PARD3B: variants seen among roughly 807,000 people sequenced by gnomAD.
PARD3B encodes par-3 family cell polarity regulator beta, also known as partitioning defective 3 homolog B.
Under a neutral mutation model 130.2 loss-of-function variants are expected in PARD3B, and 103 were observed. The ratio of observed to expected loss-of-function variants is 0.79; its 90% confidence interval spans 0.67 to 0.93. The LOEUF (loss-of-function observed/expected upper bound fraction) is 0.93, where lower values mean the gene tolerates loss of function less well. PARD3B is among the 40% of genes least tolerant of loss of function. The pLI is 0.00. For missense variants in PARD3B, 1,609 were observed against 1,499.2 expected (o/e 1.07, Z -1.21); for synonymous variants, 583 against 553.2 (o/e 1.05, Z -0.76).
Position 205,220,610 on chromosome 2 carries a change from T to A in PARD3B, c.2141-25168T>A, listed in dbSNP as rs111568013. ...GCTCATGTCCACGTGAAGCTTATGTTTTCTTGGGGAAGATGCCAGGCAGTA... is the reference window on the plus strand; with the variant it reads ...GCTCATGTCCACGTGAAGCTTATGTATTCTTGGGGAAGATGCCAGGCAGTA... On this transcript the variant is annotated intron_variant, in intron 15 of 22. Coordinates refer to ENST00000406610, the MANE Select transcript of PARD3B (RefSeq NM_001302769.2). Among the ~76,000 whole-genome samples the A allele has an allele frequency of 7.8e-3, 1,192 of 152,290 alleles. 17 individuals carry two copies. Among genetic ancestry groups the A allele is most frequent in the Middle Eastern group, 0.014 (4 of 294 alleles).
intron 2 of PARD3B, among the ~76,000 whole-genome samples, chr2:204,866,732 T>C (rs2045434483): frequency 6.6e-6 from 1 of 152,076 alleles, no homozygotes; most frequent in Non-Finnish European, 1.5e-5. Flanking sequence ...TGTGTATATA[T>C]ATATTTAAAT....
At chr2:204,981,365 G>A (rs528289853) in intron 3 of PARD3B, among the ~76,000 whole-genome samples, 2 of 152,220 alleles carry the variant, frequency 1.3e-5, no homozygotes, top group East Asian at 3.9e-4. Context: ...TGCATACAAT[G>A]GAATACTTTA....
In PARD3B at chr2:205,047,774, C is replaced by T. The variant is rs930675904; in HGVS notation, c.504+84C>T. Reference sequence around the variant, plus strand: ...AAGTGGGACTTTGCAGTTTTAAACACATTGATAACTAGATAGAGATCTTTT... The same window carrying T: ...AAGTGGGACTTTGCAGTTTTAAACATATTGATAACTAGATAGAGATCTTTT... On this transcript the variant is annotated intron_variant, in intron 4 of 22. Coordinates refer to ENST00000406610, the MANE Select transcript of PARD3B (RefSeq NM_001302769.2). The T allele has an allele frequency of 4.5e-5, 39 of 875,408 alleles. No individual in the cohort carries two copies. In the African/African-American group the frequency reaches 5.9e-4, roughly 13 times the overall value. The allele number at this position is 875,408 out of a possible 1,614,324, so 54.2% of individuals were successfully genotyped here.
chr2:204,619,487 G>A (rs554714553), intron 1 of PARD3B, among the ~76,000 whole-genome samples: 7 of 152,226 alleles, frequency 4.6e-5, no homozygotes, highest in East Asian at 3.9e-4. Context: ...TCACAGCAGC[G>A]TGAGTGACAT....
At chr2:204,563,214 GCTGT>G (rs1224046781) in intron 1 of PARD3B, among the ~76,000 whole-genome samples, 2 of 55,056 alleles carry the variant, frequency 3.6e-5, no homozygotes, top group East Asian at 1.0e-3. Context: ...CCGTCTTCCC[GCTGT>G]CTCTCTCTCT....
Position 205,480,438 on chromosome 2 carries a change from C to T in PARD3B, c.3045-19458C>T, listed in dbSNP as rs570384330. Among the ~76,000 whole-genome samples, 5 of 152,276 alleles carry T rather than the reference C, an allele frequency of 3.3e-5. No individual in the cohort carries two copies. In the South Asian group the frequency reaches 6.2e-4, roughly 19 times the overall value. ...TTTAAGTGACTGGTGGCACTGACCA[C>T]GGCTTGATATTTCTCTTCATTGGTT... On this transcript the variant is annotated intron_variant, in intron 20 of 22. Coordinates refer to ENST00000406610, the MANE Select transcript of PARD3B (RefSeq NM_001302769.2).
intron 19 of PARD3B, among the ~76,000 whole-genome samples, chr2:205,426,150 G>A (rs2047138320): frequency 6.6e-6 from 1 of 152,006 alleles, no homozygotes; most frequent in Non-Finnish European, 1.5e-5. Flanking sequence ...ATGAGGCAAT[G>A]GTGAAAAATA....
intron 3 of PARD3B, among the ~76,000 whole-genome samples, chr2:205,004,847 T>C (rs1320664152): frequency 2.6e-5 from 4 of 152,192 alleles, no homozygotes; most frequent in Non-Finnish European, 5.9e-5. Context: ...AAGATTCTTG[T>C]CACGTTTGTT....
At chr2:204,581,831 GA>G (rs1350255629) in intron 1 of PARD3B, among the ~76,000 whole-genome samples, 3 of 152,198 alleles carry the variant, frequency 2.0e-5, no homozygotes, top group Non-Finnish European at 2.9e-5. Flanking sequence ...CAAAGTTCTT[GA>G]CCAGAGAACT....
At chr2:204,651,214 C>T (rs1219384310) in intron 1 of PARD3B, among the ~76,000 whole-genome samples, 1 of 152,196 alleles carries the variant, frequency 6.6e-6, no homozygotes, top group African/African-American at 2.4e-5. Flanking sequence ...AGTCCAAAGT[C>T]TCATCAGAGA....
chr2:204,791,267 G>A (rs2042194123), intron 2 of PARD3B, among the ~76,000 whole-genome samples: 2 of 152,100 alleles, frequency 1.3e-5, no homozygotes, highest in South Asian at 4.1e-4. Context: ...GAAAATCATA[G>A]CAATTACTTT....
At chr2:204,804,667 A>G (rs2125508465) in intron 2 of PARD3B, among the ~76,000 whole-genome samples, 1 of 152,358 alleles carries the variant, frequency 6.6e-6, no homozygotes, top group African/African-American at 2.4e-5. Context: ...CATTTCATCC[A>G]GTGGCTGTAG....
intron 19 of PARD3B, among the ~76,000 whole-genome samples, chr2:205,424,640 A>C (rs751800530): frequency 3.9e-5 from 6 of 152,178 alleles, no homozygotes; most frequent in Non-Finnish European, 8.8e-5. Flanking sequence ...TTTAAAGGGA[A>C]AGGAAAGGAA....
chr2:204,759,458 G>A (rs1222556512), intron 2 of PARD3B, among the ~76,000 whole-genome samples: 1 of 152,020 alleles, frequency 6.6e-6, no homozygotes, highest in Non-Finnish European at 1.5e-5. Flanking sequence ...ATATAGCAGT[G>A]TTTTTAAGCA....
At chr2:204,657,373 T>G (rs1010930685) in intron 1 of PARD3B, among the ~76,000 whole-genome samples, 1 of 152,120 alleles carries the variant, frequency 6.6e-6, no homozygotes, top group Non-Finnish European at 1.5e-5. Context: ...GGGTGTGGTG[T>G]TGTGTACCTG....
intron 20 of PARD3B, among the ~76,000 whole-genome samples, chr2:205,493,641 G>A (rs1456428410): frequency 6.6e-6 from 1 of 152,052 alleles, no homozygotes; most frequent in African/African-American, 2.4e-5. Context: ...TATTCAGAGA[G>A]TTCGTAAGGA....
chr2:205,400,152 T>C (rs849248), intron 18 of PARD3B, among the ~76,000 whole-genome samples: 135,274 of 152,196 alleles, frequency 0.89, 60,962 homozygotes, highest in East Asian at 1. Flanking sequence ...CTTTTATTTA[T>C]ATATTAATGA....
At position 205,526,339 on chromosome 2, in the gene PARD3B, C is replaced by T. The variant is rs957693676; in HGVS notation, c.3180+26308C>T. On this transcript the variant is annotated intron_variant, in intron 21 of 22. Coordinates refer to ENST00000406610, the MANE Select transcript of PARD3B (RefSeq NM_001302769.2). ...TCCCCTGATATCTGTAGTGACAGAA[C>T]CTTGCCTTCAAAATCAAAAGATACA... is the stretch of plus-strand genomic sequence containing the variant. 6.2e-4 allele frequency among the ~76,000 whole-genome samples: 95 copies of T among 152,184 alleles called. 7 individuals carry two copies. Among genetic ancestry groups the T allele is most frequent in the Admixed American group, 6.5e-5 (1 of 15,278 alleles).
At position 204,965,217 on chromosome 2, in the gene PARD3B, A is replaced by C; in HGVS notation, c.288A>C (p.Ala96=). The C allele has an allele frequency of 6.2e-7, 1 of 1,613,962 alleles. No homozygotes were observed. Among genetic ancestry groups the C allele is most frequent in the Non-Finnish European group, 8.5e-7 (1 of 1,179,902 alleles). The change falls in exon 3 of 23, where the codon GCA becomes GCC. Residue 96 remains alanine, a synonymous_variant. Transcript: ENST00000406610. ...TTGAGAGCCCCAGTGGAAACCCTGC[A>C]GATCGGCAGAGCCCAGATGCTTTTG... ...HKIESPSGNP[A]DRQSPDAFET...
Sources: gnomAD v4.1 joint callset for allele counts (sites outside exome capture counted in the v4.1 genomes callset) on GRCh38, gnomAD v4.1.1 for gene constraint, MANE v1.5 for transcripts, NCBI Gene and HGNC (gene_info 2026-07-23, HGNC 2026-07-21) for gene names.